The following N4BP2L1 variants were observed in gnomAD, a reference collection of about 807,000 sequenced individuals.
N4BP2L1 encodes the protein NEDD4-binding protein 2-like 1.
N4BP2L1 carries 12 observed loss-of-function variants against 21.2 expected under a neutral mutation model. The observed-to-expected ratio is 0.57, with a 90% CI of 0.36 to 0.92. The LOEUF (loss-of-function observed/expected upper bound fraction) is 0.92, where lower values mean the gene tolerates loss of function less well. N4BP2L1 is among the 40% of genes least tolerant of loss of function. N4BP2L1 has a pLI of 0.01. For missense variants in N4BP2L1, 259 were observed against 310.6 expected (o/e 0.83, Z 1.25); for synonymous variants, 104 against 112.8 (o/e 0.92, Z 0.49).
rs573641521 is a variant in N4BP2L1 at position 32,402,975 on chromosome 13, A to G, written c.699T>C (p.Tyr233=). The stretch of plus-strand genomic sequence containing the variant: ...CATGGTGACAACCGCCCCTTCTGTG[A>G]TAGGAGCTCTCATTTGTAAATCCAC... ...AHGGFTNESS[Y]HRRGGCHHGY Residue 233 remains tyrosine, a synonymous_variant, in exon 5 of 5, where the codon TAT becomes TAC. Coordinates refer to ENST00000380130, the MANE Select transcript of N4BP2L1 (RefSeq NM_052818.3). 1.2e-6 allele frequency: 2 copies of G among 1,613,178 alleles called. No homozygotes were observed. The highest frequency in any genetic ancestry group is 2.2e-5 in the East Asian group (1 of 44,868).
intron 1 of N4BP2L1, among the ~76,000 whole-genome samples, chr13:32,427,221 C>T (rs934417404): frequency 6.6e-6 from 1 of 152,198 alleles, no homozygotes; most frequent in African/African-American, 2.4e-5. Context: ...GTGGTGGCGC[C>T]GCCAGCCAGC....
chr13:32,412,413 G>A (rs2073910330), intron 1 of N4BP2L1, among the ~76,000 whole-genome samples: 1 of 115,036 alleles, frequency 8.7e-6, no homozygotes, highest in Admixed American at 8.8e-5. Flanking sequence ...GATCACTTGA[G>A]GTCAGGAGTT....
chr13:32,415,227 A>AG (rs1410664797), intron 1 of N4BP2L1, among the ~76,000 whole-genome samples: 1 of 152,178 alleles, frequency 6.6e-6, no homozygotes, highest in Non-Finnish European at 1.5e-5. Flanking sequence ...CTGCAGGGCC[A>AG]GGCTGCACCT....
intron 1 of N4BP2L1, among the ~76,000 whole-genome samples, chr13:32,417,360 A>G (rs1423746258): frequency 6.6e-6 from 1 of 152,098 alleles, no homozygotes; most frequent in Non-Finnish European, 1.5e-5. Context: ...GTGGGTTCTC[A>G]CAAGATCTGA....
intron 1 of N4BP2L1, chr13:32,425,128 C>G (rs1001761149): frequency 1.3e-5 from 2 of 152,184 alleles, no homozygotes; most frequent in African/African-American, 4.8e-5. Context: ...CAACAACACA[C>G]AGATAACCTT....
chr13:32,415,123 C>G (rs2074057653), intron 1 of N4BP2L1, among the ~76,000 whole-genome samples: 1 of 152,200 alleles, frequency 6.6e-6, no homozygotes, highest in Non-Finnish European at 1.5e-5. Flanking sequence ...GAATCCAGAG[C>G]TGGTGTCACA....
rs116888439 is a variant in N4BP2L1 at position 32,423,436 on chromosome 13, A to G, written c.179+4468T>C. ...CCTGACTTTGCTTTGATTGAAATGT[A>G]AAGATTCAAAAAAATTCTGGGGAAC... On this transcript the variant is annotated intron_variant, in intron 1 of 4. Coordinates refer to ENST00000380130, the MANE Select transcript of N4BP2L1 (RefSeq NM_052818.3). Among the ~76,000 whole-genome samples the G allele has an allele frequency of 1.3e-4, 20 of 152,336 alleles. No individual in the cohort carries two copies. In the East Asian group the frequency reaches 3.9e-3, roughly 29 times the overall value.
rs1239678988 is a variant in N4BP2L1, at chr13:32,425,348, A to T, written c.179+2556T>A. 6 of 152,228 alleles carry T rather than the reference A, an allele frequency of 3.9e-5. No individual in the cohort carries two copies. In the East Asian group the frequency reaches 1.2e-3, roughly 29 times the overall value. 9.4% of individuals were successfully genotyped at this position (152,228 alleles called of 1,614,324 possible). ...TTACGTCCCAGACTTTTCTATAAAC[A>T]CACAATCCACCCCATGGCATGCCAA... is the stretch of plus-strand genomic sequence containing the variant. On this transcript the variant is annotated intron_variant, in intron 1 of 4. Transcript: ENST00000380130.
chr13:32,428,261 T>G, upstream of N4BP2L1: 1 of 490,832 alleles, frequency 2.0e-6, no homozygotes, highest in East Asian at 3.5e-5. Flanking sequence ...CGTCCCTACC[T>G]GGAAAGCTGG....
chr13:32,401,939 A>G lies in N4BP2L1; in HGVS notation c.*1003T>C. ...AATTTGGATTCATAAATTCAGCATC[A>G]GTATAAGAAGACATTCCAGAGTTGT... On this transcript the variant is annotated 3_prime_UTR_variant, in exon 5 of 5. Transcript: ENST00000380130. 1.0e-6 allele frequency: 1 copy of G among 985,566 alleles called. No homozygotes were observed. Among genetic ancestry groups the G allele is most frequent in the Non-Finnish European group, 1.2e-6 (1 of 829,808 alleles). 61.1% of individuals were successfully genotyped at this position (985,566 alleles called of 1,614,324 possible).
In N4BP2L1 at chr13:32,402,408, C is replaced by T; in HGVS notation, c.*534G>A. The T allele has an allele frequency of 3.6e-6, 3 of 834,522 alleles. No homozygotes were observed. Among genetic ancestry groups the T allele is most frequent in the Non-Finnish European group, 4.3e-6 (3 of 692,632 alleles). The allele number at this position is 834,522 out of a possible 1,614,324, so 51.7% of individuals were successfully genotyped here. On this transcript the variant is annotated 3_prime_UTR_variant, in exon 5 of 5. Coordinates refer to ENST00000380130, the MANE Select transcript of N4BP2L1 (RefSeq NM_052818.3). ...AGGACAATGTTCCCTTAGATGTATG[C>T]TTTCTGGCATATTAACATTAAAGGA...
At chr13:32,412,987 G>C (rs757665608) in intron 1 of N4BP2L1, among the ~76,000 whole-genome samples, 1 of 152,110 alleles carries the variant, frequency 6.6e-6, no homozygotes, top group Admixed American at 6.5e-5. Flanking sequence ...GCAGTGGCAC[G>C]ATCTCGGCTC....
rs756333503 is a variant in N4BP2L1 at position 32,427,999 on chromosome 13, C to G, written c.84G>C (p.Pro28=). Residue 28 remains proline (P), a synonymous_variant, in exon 1 of 5, where the codon CCG becomes CCC. Transcript: ENST00000380130. ...GGCGAGGAGGTGTCCCCCGCGGGGG[C>G]GGCCGGGGCGGCCGCTGCCGCTGCT... ...QQQQRQRPPR[P]PPRGTPPRRH... 1.9e-6 allele frequency: 3 copies of G among 1,556,076 alleles called. No individual in the cohort carries two copies. The highest frequency in any genetic ancestry group is 2.8e-5 in the African/African-American group (2 of 71,270).
At chr13:32,407,801 A>G in intron 1 of N4BP2L1, 29 bp from the exon 2 acceptor site, 5 of 1,547,792 alleles carry the variant, frequency 3.2e-6, no homozygotes, top group Non-Finnish European at 4.3e-6. Flanking sequence ...AGAGAGAGAG[A>G]TGTTTTAAAT....
intron 1 of N4BP2L1, among the ~76,000 whole-genome samples, chr13:32,421,902 C>T (rs1480991012): frequency 2.6e-5 from 4 of 152,006 alleles, no homozygotes; most frequent in Admixed American, 1.3e-4. Context: ...TGGCCATAGG[C>T]GGGTGCTATT....
rs373287038 is a variant in N4BP2L1, at chr13:32,428,002, C to T, written c.81G>A (p.Arg27=). 21 of 1,560,366 alleles carry T rather than the reference C, an allele frequency of 1.3e-5. No homozygotes were observed. The African/African-American group carries it at 2.7e-4, about 20-fold the overall frequency. Reference sequence around the variant, plus strand: ...GAGGAGGTGTCCCCCGCGGGGGCGGCCGGGGCGGCCGCTGCCGCTGCTGCT... The same window carrying T: ...GAGGAGGTGTCCCCCGCGGGGGCGGTCGGGGCGGCCGCTGCCGCTGCTGCT... ...QQQQQRQRPP[R]PPPRGTPPRR... Residue 27 remains arginine, a synonymous_variant, in exon 1 of 5, where the codon CGG becomes CGA. Coordinates refer to ENST00000380130, the MANE Select transcript of N4BP2L1 (RefSeq NM_052818.3).
In N4BP2L1 at chr13:32,403,005, G is replaced by T; in HGVS notation, c.669C>A (p.Ala223=). The T allele has an allele frequency of 1.2e-6, 2 of 1,614,090 alleles. No homozygotes were observed. The highest frequency in any genetic ancestry group is 1.7e-6 in the Non-Finnish European group (2 of 1,180,002). ...NSYTEFPNRR[A]HGGFTNESSY... is the part of the protein sequence containing the mutation. ...AGCTCTCATTTGTAAATCCACCGTGGGCCCTCCGGTTTGGAAACTCTGTGT... is the reference window on the plus strand; with the variant it reads ...AGCTCTCATTTGTAAATCCACCGTGTGCCCTCCGGTTTGGAAACTCTGTGT... The change falls in exon 5 of 5, where the codon GCC becomes GCA. Residue 223 remains alanine, a synonymous_variant. Transcript: ENST00000380130.
intron 1 of N4BP2L1, among the ~76,000 whole-genome samples, chr13:32,422,780 C>T (rs932923025): frequency 1.3e-5 from 2 of 152,178 alleles, no homozygotes; most frequent in Non-Finnish European, 2.9e-5. Context: ...AGGACAAGGA[C>T]TCTCGGTAGT....
At chr13:32,413,216 T>G (rs12861808) in intron 1 of N4BP2L1, among the ~76,000 whole-genome samples, 47,096 of 152,094 alleles carry the variant, frequency 0.31, 7,728 homozygotes, top group Non-Finnish European at 0.33. Context: ...ATGAGCCACC[T>G]CTCCTGGCCT....
Sources: gnomAD v4.1 joint callset for allele counts (sites outside exome capture counted in the v4.1 genomes callset) on GRCh38, gnomAD v4.1.1 for gene constraint, MANE v1.5 for transcripts, NCBI Gene and HGNC (gene_info 2026-07-23, HGNC 2026-07-21) for gene names.